The following NFE2L2 variants were observed in gnomAD, a reference collection of about 807,000 sequenced individuals.
NFE2L2 encodes NFE2 like bZIP transcription factor 2.
In NFE2L2, 20 loss-of-function variants were observed where a neutral mutation model predicts 49.6. The observed-to-expected ratio is 0.40, with a 90% CI of 0.28 to 0.59. The LOEUF (loss-of-function observed/expected upper bound fraction) is 0.59. Among genes scored for constraint, NFE2L2 ranks in the 20% least tolerant of loss-of-function variants. The probability of loss-of-function intolerance (pLI) is 0.40; values close to 1 mark genes in which losing one functional copy is unlikely to be tolerated. For missense variants in NFE2L2, 578 were observed against 714.2 expected, an observed-to-expected ratio of 0.81 and a Z score of 2.17; for synonymous variants, 244 against 256.5, an observed-to-expected ratio of 0.95 and a Z score of 0.47.
At chr2:177,264,387 G>A (rs1690861258) in intron 1 of NFE2L2, 145 bp downstream of exon 1, 1 of 751,418 alleles carries the variant, frequency 1.3e-6, no homozygotes, top group Non-Finnish European at 1.9e-6. Flanking sequence ...CGGCGCAAGC[G>A]CGGCGGCTCT....
At position 177,231,553 on chromosome 2, in the gene NFE2L2, T is replaced by C. The variant is rs757675832; in HGVS notation, c.1050A>G (p.Thr350=). 2.5e-6 allele frequency: 4 copies of C among 1,614,068 alleles called. No individual in the cohort carries two copies. The highest frequency in any genetic ancestry group is 3.4e-6 in the Non-Finnish European group (4 of 1,180,032). Residue 350 remains threonine (T), a synonymous_variant, in exon 5 of 5, where the codon ACA becomes ACG. Transcript: ENST00000397062. ...NDSDSGISLN[T]SPSVASPEHS... ...GTTCTGGTGATGCCACACTGGGACT[T>C]GTGTTTAGTGAAATGCCGGAGTCAG... is the stretch of plus-strand genomic sequence containing the variant.
chr2:177,242,637 T>C (rs1452472935), intron 1 of NFE2L2, among the ~76,000 whole-genome samples: 1 of 152,192 alleles, frequency 6.6e-6, no homozygotes, highest in African/African-American at 2.4e-5. Flanking sequence ...CTAAGAAATA[T>C]GATCCAGCCA....
chr2:177,242,386 T>C (rs1394535635), intron 1 of NFE2L2, among the ~76,000 whole-genome samples: 3 of 152,212 alleles, frequency 2.0e-5, no homozygotes, highest in Admixed American at 6.5e-5. Flanking sequence ...TCCCTTATCT[T>C]GAATAACTAG....
intron 1 of NFE2L2, among the ~76,000 whole-genome samples, chr2:177,248,246 T>C (rs1690206148): frequency 6.6e-6 from 1 of 152,232 alleles, no homozygotes; most frequent in Admixed American, 6.5e-5. Context: ...GATTTCAAGC[T>C]AGACTTTCCT....
chr2:177,240,421 C>G (rs993099432), intron 1 of NFE2L2, among the ~76,000 whole-genome samples: 1 of 152,130 alleles, frequency 6.6e-6, no homozygotes, highest in African/African-American at 2.4e-5. Context: ...TGGCCAGGAG[C>G]CTTTGCATGG....
intron 1 of NFE2L2, among the ~76,000 whole-genome samples, chr2:177,246,544 T>C (rs938433787): frequency 6.6e-6 from 1 of 151,976 alleles, no homozygotes; most frequent in African/African-American, 2.4e-5. Context: ...ACTCATTTAA[T>C]ATATTTTGGA....
chr2:177,235,057 C>T (rs1689693713), intron 1 of NFE2L2, among the ~76,000 whole-genome samples: 1 of 151,588 alleles, frequency 6.6e-6, no homozygotes, highest in South Asian at 2.1e-4. Flanking sequence ...GCAGAGGTTG[C>T]AGTCAGCTGA....
intron 1 of NFE2L2, 69 bp downstream of exon 1, chr2:177,264,463 G>T: frequency 6.8e-7 from 1 of 1,472,262 alleles, no homozygotes. Context: ...TCCCTCCCGG[G>T]CCGCGGTTCC....
chr2:177,232,401 A>G lies in NFE2L2; in HGVS notation c.585T>C (p.Pro195=), dbSNP rs376850719. 13 of 1,612,194 alleles carry G rather than the reference A, an allele frequency of 8.1e-6. No homozygotes were observed. The highest frequency in any genetic ancestry group is 1.0e-5 in the Non-Finnish European group (12 of 1,178,874). Residue 195 remains proline, a synonymous_variant, in exon 4 of 5, where the codon CCT becomes CCC. Transcript: ENST00000397062. ...ATTCTATTTTAGTTACCTGTAACTCAGGAATGGATAATAGCTCCTCCCAAA... is the reference window on the plus strand; with the variant it reads ...ATTCTATTTTAGTTACCTGTAACTCGGGAATGGATAATAGCTCCTCCCAAA... ...EQVWEELLSI[P]ELQCLNIEND...
At position 177,263,700 on chromosome 2, in the gene NFE2L2, T is replaced by G. The variant is rs1690829429; in HGVS notation, c.45+832A>C. On this transcript the variant is annotated intron_variant, in intron 1 of 4. Transcript: ENST00000397062. ...ACTAGAAGCCCCGGGTGCCGCCGAC[T>G]CCGGCCTCAGAGTCCACTGCCCTCG... is the stretch of plus-strand genomic sequence containing the variant. 22 of 985,344 alleles carry G rather than the reference T, an allele frequency of 2.2e-5. No individual in the cohort carries two copies. In the South Asian group the frequency reaches 8.0e-4, roughly 36 times the overall value. 61.0% of individuals were successfully genotyped at this position (985,344 alleles called of 1,614,324 possible).
At chr2:177,233,115 T>G in intron 3 of NFE2L2, 135 bp downstream of exon 3, 1 of 721,240 alleles carries the variant, frequency 1.4e-6, no homozygotes, top group Middle Eastern at 2.8e-4. Flanking sequence ...AGTATTTCCT[T>G]GGTTAAAAAA....
intron 1 of NFE2L2, among the ~76,000 whole-genome samples, chr2:177,238,047 C>CA (rs1246708911): frequency 1.3e-5 from 2 of 152,188 alleles, no homozygotes; most frequent in African/African-American, 4.8e-5. Context: ...TCCATGTTCC[C>CA]ACCCATCTCA....
rs1689502520 is a variant in NFE2L2 at position 177,230,536 on chromosome 2, G to C, written c.*249C>G. 5.0e-6 allele frequency: 2 copies of C among 402,448 alleles called. No homozygotes were observed. The highest frequency in any genetic ancestry group is 8.7e-6 in the Non-Finnish European group (2 of 228,978). 24.9% of individuals were successfully genotyped at this position (402,448 alleles called of 1,614,324 possible). A position where few individuals can be genotyped will look rare whatever the true frequency, so the allele number is the denominator to read the frequency against. On this transcript the variant is annotated 3_prime_UTR_variant, in exon 5 of 5. Coordinates refer to ENST00000397062, the MANE Select transcript of NFE2L2 (RefSeq NM_006164.5). ...AGAACAGTATAAATAAGTTTTTGTA[G>C]TATTTACACTTACACAGAAACTAGC...
chr2:177,232,505 G>C lies in NFE2L2; in HGVS notation c.481C>G (p.Gln161Glu). The change falls in exon 4 of 5, where the codon CAG becomes GAG. Residue 161 changes from glutamine to glutamate, a missense_variant. Gln to Glu is a conservative substitution (Grantham distance 29). This residue lies in a region of NFE2L2 where 368 missense variants were observed against 384.6 expected (regional missense o/e 0.96). Coordinates refer to ENST00000397062, the MANE Select transcript of NFE2L2 (RefSeq NM_006164.5). ...ACAGAAGTTTCAGGTGACTGAGCCT[G>C]ATTAGTAGCAATGAAGACTGGGCTC... ...IESPVFIATN[Q>E]AQSPETSVAQ... The C allele has an allele frequency of 1.2e-6, 2 of 1,614,158 alleles. No individual in the cohort carries two copies. The highest frequency in any genetic ancestry group is 2.2e-5 in the East Asian group (1 of 44,888).
intron 1 of NFE2L2, among the ~76,000 whole-genome samples, chr2:177,238,172 A>G (rs937614561): frequency 1.3e-5 from 2 of 152,134 alleles, no homozygotes; most frequent in African/African-American, 2.4e-5. Flanking sequence ...CTCACCCTAG[A>G]CTTCCTGGGC....
At chr2:177,264,380 C>T in intron 1 of NFE2L2, 152 bp downstream of exon 1, 3 of 713,952 alleles carry the variant, frequency 4.2e-6, no homozygotes, top group Non-Finnish European at 6.3e-6. Context: ...CCTGCCCCGG[C>T]GCAAGCGCGG....
chr2:177,239,963 A>C (rs951429993), intron 1 of NFE2L2, among the ~76,000 whole-genome samples: 1 of 152,072 alleles, frequency 6.6e-6, no homozygotes, highest in Non-Finnish European at 1.5e-5. Context: ...AAAAAAAAAA[A>C]AAAAACAGCA....
intron 1 of NFE2L2, among the ~76,000 whole-genome samples, chr2:177,251,803 A>C (rs187515930): frequency 1.6e-3 from 244 of 151,936 alleles, no homozygotes; most frequent in African/African-American, 5.6e-3. Context: ...CAGGAGTTCG[A>C]GACCATCCTG....
At chr2:177,262,346 T>C (rs1031194855) in intron 1 of NFE2L2, among the ~76,000 whole-genome samples, 1 of 152,254 alleles carries the variant, frequency 6.6e-6, no homozygotes, top group African/African-American at 2.4e-5. Context: ...GAGTAATGGA[T>C]GGTTCCTTCC....
Sources: gnomAD v4.1 joint callset for allele counts (sites outside exome capture counted in the v4.1 genomes callset) on GRCh38, gnomAD v4.1.1 for gene constraint, gnomAD v4.1.1 regional missense constraint, MANE v1.5 for transcripts, NCBI Gene and HGNC (gene_info 2026-07-23, HGNC 2026-07-21) for gene names.